Variants in ITGB3 observed in about 807,000 individuals in gnomAD.
The protein encoded by ITGB3 is integrin beta-3.
In ITGB3, 48 loss-of-function variants were observed where a neutral mutation model predicts 85.8. The observed-to-expected ratio is 0.56, with a 90% CI of 0.44 to 0.71. ITGB3 has a LOEUF of 0.71. Ranked by LOEUF, ITGB3 falls within the 30% of genes least tolerant of loss-of-function variation. ITGB3 has a pLI of 0.00. For missense variants in ITGB3, 861 were observed against 1,019.1 expected (o/e 0.84, Z 2.11); for synonymous variants, 363 against 395.6 (o/e 0.92, Z 0.98).
chr17:47,300,152 C>T (rs1451988577), intron 11 of ITGB3, among the ~76,000 whole-genome samples: 1 of 152,188 alleles, frequency 6.6e-6, no homozygotes, highest in African/African-American at 2.4e-5. Flanking sequence ...ATGACTGGTT[C>T]TGACTTTATA....
At chr17:47,275,485 C>T (rs1382557865) in intron 2 of ITGB3, among the ~76,000 whole-genome samples, 1 of 152,206 alleles carries the variant, frequency 6.6e-6, no homozygotes, top group Non-Finnish European at 1.5e-5. Context: ...AGGTGGTTAC[C>T]TGAGTTCCTG....
At chr17:47,297,614 A>G (rs7224753) in intron 10 of ITGB3, among the ~76,000 whole-genome samples, 107,606 of 151,406 alleles carry the variant, frequency 0.71, 38,541 homozygotes, top group East Asian at 0.81. Flanking sequence ...TCAAGATGGC[A>G]CCACTGCACT....
intron 2 of ITGB3, among the ~76,000 whole-genome samples, chr17:47,275,484 C>T (rs543414134): frequency 6.6e-6 from 1 of 152,262 alleles, no homozygotes; most frequent in African/African-American, 2.4e-5. Context: ...CAGGTGGTTA[C>T]CTGAGTTCCT....
At chr17:47,295,620 C>A (rs985184818) in intron 10 of ITGB3, among the ~76,000 whole-genome samples, 3 of 152,172 alleles carry the variant, frequency 2.0e-5, no homozygotes, top group Non-Finnish European at 4.4e-5. Flanking sequence ...CCCATCTTGT[C>A]AAAGATCACT....
intron 4 of ITGB3, among the ~76,000 whole-genome samples, chr17:47,285,107 A>C (rs748399208): frequency 4.6e-5 from 7 of 152,220 alleles, no homozygotes; most frequent in Non-Finnish European, 1.0e-4. Context: ...AACAGAAGAA[A>C]TGAAGTGCTA....
intron 2 of ITGB3, among the ~76,000 whole-genome samples, chr17:47,277,044 A>G (rs1185109036): frequency 6.6e-6 from 1 of 152,046 alleles, no homozygotes; most frequent in African/African-American, 2.4e-5. Flanking sequence ...TTGGCTGGGT[A>G]AGAGGAAAAC....
At chr17:47,282,279 G>A (rs565801242) in intron 2 of ITGB3, among the ~76,000 whole-genome samples, 2 of 152,234 alleles carry the variant, frequency 1.3e-5, no homozygotes, top group African/African-American at 4.8e-5. Flanking sequence ...ATACAGTTCA[G>A]TGGCATGAAG....
At chr17:47,275,710 G>C (rs2065061278) in intron 2 of ITGB3, among the ~76,000 whole-genome samples, 1 of 152,264 alleles carries the variant, frequency 6.6e-6, no homozygotes, top group African/African-American at 2.4e-5. Context: ...AGGGCTGCCA[G>C]AGCAGCAGAG....
intron 1 of ITGB3, among the ~76,000 whole-genome samples, chr17:47,261,655 G>C (rs1598677915): frequency 6.6e-6 from 1 of 152,154 alleles, no homozygotes; most frequent in South Asian, 2.1e-4. Flanking sequence ...GAGTAGCTGG[G>C]ATCACAGGCA....
At chr17:47,258,543 C>A (rs2064998358) in intron 1 of ITGB3, among the ~76,000 whole-genome samples, 1 of 151,718 alleles carries the variant, frequency 6.6e-6, no homozygotes, top group Non-Finnish European at 1.5e-5. Flanking sequence ...AGTCAAGTAA[C>A]CATTGCCATC....
At chr17:47,286,456 C>T in intron 5 of ITGB3, 34 bp downstream of exon 5, 1 of 1,613,184 alleles carries the variant, frequency 6.2e-7, no homozygotes, top group South Asian at 1.1e-5. Flanking sequence ...CCAGGTGTGG[C>T]TGGCATAGAT....
intron 1 of ITGB3, among the ~76,000 whole-genome samples, chr17:47,271,726 T>C (rs928547378): frequency 6.6e-6 from 1 of 152,202 alleles, no homozygotes; most frequent in African/African-American, 2.4e-5. Flanking sequence ...ATAAACTGGG[T>C]GGCTTAAACA....
In ITGB3 at chr17:47,290,448, AGAAG is replaced by A. The variant is rs112290297; in HGVS notation, c.1125+195_1125+198del. Among the ~76,000 whole-genome samples, 68 of 149,046 alleles carry A rather than the reference AGAAG, an allele frequency of 4.6e-4. 1 individual carries two copies. The South Asian group carries it at 0.013, about 29-fold the overall frequency. ...GCTCTAGAAGGGATGCAGCCTTCTG[AGAAG>A]GAAGGAAGGAAGGAAGGAAGAGAGA... On this transcript the variant is annotated intron_variant, in intron 8 of 14. Transcript: ENST00000559488.
At position 47,307,574 on chromosome 17, in the gene ITGB3, C is replaced by T; in HGVS notation, c.2238C>T (p.Thr746=). Residue 746 remains threonine (T), a synonymous_variant, in exon 14 of 15, where the codon ACC becomes ACT. Coordinates refer to ENST00000559488, the MANE Select transcript of ITGB3 (RefSeq NM_000212.3). ...TGCTCATCTGGAAACTCCTCATCAC[C>T]ATCCACGACCGAAAAGAATTCGCTA... The part of the protein sequence containing the change: ...AALLIWKLLI[T]IHDRKEFAKF... The T allele has an allele frequency of 6.2e-7, 1 of 1,614,212 alleles. No homozygotes were observed. Among genetic ancestry groups the T allele is most frequent in the Non-Finnish European group, 8.5e-7 (1 of 1,180,036 alleles).
Position 47,299,664 on chromosome 17 carries a change from C to G in ITGB3, c.1913+134C>G. ...AGAGGAGTCCACTCCAGCCAGATGG[C>G]TGTCTCTCCTTTTGCCAAAGGCTTT... is the stretch of plus-strand genomic sequence containing the variant. On this transcript the variant is annotated intron_variant, in intron 11 of 14. Transcript: ENST00000559488. The surrounding 1 kb of genome is among the most constrained non-coding windows in gnomAD (Gnocchi z 5.1). The G allele has an allele frequency of 1.2e-6, 1 of 864,932 alleles. No homozygotes were observed. Among genetic ancestry groups the G allele is most frequent in the Non-Finnish European group, 1.9e-6 (1 of 533,580 alleles). 53.6% of individuals were successfully genotyped at this position (864,932 alleles called of 1,614,324 possible).
intron 9 of ITGB3, 94 bp from the exon 10 acceptor site, chr17:47,292,045 C>T: frequency 7.5e-7 from 1 of 1,339,312 alleles, no homozygotes; most frequent in Non-Finnish European, 1.1e-6. Context: ...TTGGGTATTC[C>T]TTGGCAGGGC....
At chr17:47,261,299 TC>T (rs2065007956) in intron 1 of ITGB3, among the ~76,000 whole-genome samples, 1 of 152,164 alleles carries the variant, frequency 6.6e-6, no homozygotes, top group African/African-American at 2.4e-5. Flanking sequence ...GCTTTAATTT[TC>T]TTTTAGCTTA....
Position 47,254,061 on chromosome 17 carries a change from G to A in ITGB3, c.79+121G>A, listed in dbSNP as rs11871251. 115,441 of 592,710 alleles carry A rather than the reference G, an allele frequency of 0.19. 13,149 individuals are homozygous for A. The highest frequency in any genetic ancestry group is 0.45 in the East Asian group (11,813 of 26,320). 36.7% of individuals were successfully genotyped at this position (592,710 alleles called of 1,614,324 possible). ...TCCCGCGCGTCTGCGCTGGGAATGC[G>A]CGTGTCCTGGCTGGCGCGGTCGGAG... On this transcript the variant is annotated intron_variant, in intron 1 of 14. Coordinates refer to ENST00000559488, the MANE Select transcript of ITGB3 (RefSeq NM_000212.3).
intron 14 of ITGB3, among the ~76,000 whole-genome samples, chr17:47,308,437 C>T (rs994866939): frequency 3.9e-5 from 6 of 152,058 alleles, no homozygotes; most frequent in Admixed American, 3.3e-4. Context: ...TCAAGGGTCC[C>T]AAGAAACTGA....
Sources: gnomAD v4.1 joint callset for allele counts (sites outside exome capture counted in the v4.1 genomes callset) on GRCh38, gnomAD v4.1.1 for gene constraint, Gnocchi (gnomAD v3.1) non-coding constraint, MANE v1.5 for transcripts, NCBI Gene and HGNC (gene_info 2026-07-23, HGNC 2026-07-21) for gene names.